APOC4: variants seen among roughly 807,000 people sequenced by gnomAD.
APOC4 encodes the protein apolipoprotein C4, also known as apolipoprotein C-IV.
APOC4 carries 10 observed loss-of-function variants against 8.4 expected under a neutral mutation model. The ratio of observed to expected loss-of-function variants is 1.19; its 90% CI spans 0.74 to 2.03. The LOEUF is 2.03. APOC4 is among the 30% of genes most tolerant of loss of function. The pLI is 0.00. For synonymous variants in APOC4, 59 were observed against 65.8 expected (o/e 0.90, Z 0.50); for missense variants, 160 against 156.1 (o/e 1.02, Z -0.13).
rs10423683 is a variant in APOC4 at position 44,944,783 on chromosome 19, C to T, written c.111C>T (p.Ser37=). 1.5e-3 allele frequency: 2,472 copies of T among 1,611,238 alleles called. 25 individuals carry two copies. The African/African-American group carries it at 0.029, about 19-fold the overall frequency. The change falls in exon 2 of 3, where the codon AGC becomes AGT. Residue 37 remains serine, a synonymous_variant. Coordinates refer to ENST00000592954, the MANE Select transcript of APOC4 (RefSeq NM_001646.3). ...CQPEAQEGTL[S]PPPKLKMSRW... Reference sequence around the variant, plus strand: ...CAGAGGCCCAGGAAGGAACCCTGAGCCCCCCACCAAAGCTAAAGATGAGTC... The same window carrying T: ...CAGAGGCCCAGGAAGGAACCCTGAGTCCCCCACCAAAGCTAAAGATGAGTC...
intron 1 of APOC4, among the ~76,000 whole-genome samples, chr19:44,943,692 A>C (rs1235622433): frequency 6.6e-6 from 1 of 151,998 alleles, no homozygotes; most frequent in Non-Finnish European, 1.5e-5. Flanking sequence ...GCGCCACTGC[A>C]TTCCAACCTG....
Position 44,944,615 on chromosome 19 carries a change from A to AAGGCAGGAGGCAAGAGGAC in APOC4, c.77-133_77-115dup, listed in dbSNP as rs938312554. 1.4e-5 allele frequency: 15 copies of AAGGCAGGAGGCAAGAGGAC among 1,081,476 alleles called. No individual in the cohort carries two copies. The African/African-American group carries it at 2.3e-4, about 16-fold the overall frequency. 67.0% of individuals were successfully genotyped at this position (1,081,476 alleles called of 1,614,324 possible). On this transcript the variant is annotated intron_variant, in intron 1 of 2. Coordinates refer to ENST00000592954, the MANE Select transcript of APOC4 (RefSeq NM_001646.3). ...AGCGGTCAGGGGACACATAAGGGTA[A>AAGGCAGGAGGCAAGAGGAC]AGGCAGGAGGCAAGAGGACTGGCAG...
chr19:44,944,678 A>T, intron 1 of APOC4, 71 bp from the exon 2 acceptor site: 2 of 1,517,460 alleles, frequency 1.3e-6, no homozygotes, highest in Non-Finnish European at 1.8e-6. Flanking sequence ...ACACAGGATG[A>T]GCATGGAGGG....
At position 44,943,748 on chromosome 19, in the gene APOC4, C is replaced by T. The variant is rs115225947; in HGVS notation, c.77-1001C>T. On this transcript the variant is annotated intron_variant, in intron 1 of 2. Coordinates refer to ENST00000592954, the MANE Select transcript of APOC4 (RefSeq NM_001646.3). ...TCTGAAAAAAAAAAAAAATTTAACA[C>T]GTATGTAGACAATGTGCAAGGCACC... Among the ~76,000 whole-genome samples the T allele has an allele frequency of 3.4e-3, 513 of 152,002 alleles. 6 individuals carry two copies. The highest frequency in any genetic ancestry group is 0.011 in the African/African-American group (465 of 41,492).
Position 44,942,309 on chromosome 19 carries a change from T to C in APOC4, c.32T>C (p.Leu11Pro). MSLLRNRLQA[L>P]PALCLCVLVL... The stretch of plus-strand genomic sequence containing the variant: ...CTCCTCAGAAACAGGCTCCAGGCCC[T>C]GCCTGCCCTGTGCCTCTGCGTGCTG... The change falls in exon 1 of 3, where the codon CTG (leucine) becomes CCG (proline). Residue 11 changes from leucine (L) to proline (P), a missense_variant. Leu to Pro is a moderately conservative substitution (Grantham distance 98). Coordinates refer to ENST00000592954, the MANE Select transcript of APOC4 (RefSeq NM_001646.3). The C allele has an allele frequency of 6.2e-7, 1 of 1,613,506 alleles. No homozygotes were observed. Among genetic ancestry groups the C allele is most frequent in the African/African-American group, 1.3e-5 (1 of 75,044 alleles).
At chr19:44,943,046 C>G (rs1021486649) in intron 1 of APOC4, among the ~76,000 whole-genome samples, 4 of 151,944 alleles carry the variant, frequency 2.6e-5, no homozygotes, top group African/African-American at 9.7e-5. Context: ...CTCAGCCTCC[C>G]GAGTAGCTGG....
At chr19:44,942,472 C>A (rs953992456) in intron 1 of APOC4, 119 bp downstream of exon 1, 9 of 873,630 alleles carry the variant, frequency 1.0e-5, no homozygotes, top group South Asian at 4.2e-5. Flanking sequence ...CGTTTCATGG[C>A]GTGCGTATGC....
chr19:44,945,391 C>T lies in APOC4; in HGVS notation c.*86C>T, dbSNP rs1307289254. On this transcript the variant is annotated 3_prime_UTR_variant, in exon 3 of 3. Coordinates refer to ENST00000592954, the MANE Select transcript of APOC4 (RefSeq NM_001646.3). ...GCTGAGGTAGGATGATGGCTTGAGC[C>T]CAGGAGTTCGAGACCAGCCTGGGCA... is the stretch of plus-strand genomic sequence containing the variant. The T allele has an allele frequency of 5.6e-6, 8 of 1,439,448 alleles. No homozygotes were observed. In the Admixed American group the frequency reaches 1.5e-4, roughly 26 times the overall value. The allele number at this position is 1,439,448 out of a possible 1,614,324, so 89.2% of individuals were successfully genotyped here. A position where few individuals can be genotyped will look rare whatever the true frequency, so the allele number is the denominator to read the frequency against.
At position 44,945,372 on chromosome 19, in the gene APOC4, G is replaced by T. The variant is rs1032746196; in HGVS notation, c.*67G>T. The T allele has an allele frequency of 1.3e-6, 2 of 1,524,856 alleles. No individual in the cohort carries two copies. Among genetic ancestry groups the T allele is most frequent in the African/African-American group, 2.7e-5 (2 of 72,792 alleles). 94.5% of individuals were successfully genotyped at this position (1,524,856 alleles called of 1,614,324 possible). ...AGTCCCAGCTACTCAGGAGGCTGAG[G>T]TAGGATGATGGCTTGAGCCCAGGAG... is the stretch of plus-strand genomic sequence containing the variant. On this transcript the variant is annotated 3_prime_UTR_variant, in exon 3 of 3. Coordinates refer to ENST00000592954, the MANE Select transcript of APOC4 (RefSeq NM_001646.3).
chr19:44,942,752 ATTT>A (rs200103557), intron 1 of APOC4, among the ~76,000 whole-genome samples: 78 of 134,266 alleles, frequency 5.8e-4, no homozygotes, highest in African/African-American at 1.6e-3. Context: ...TTGCATATGC[ATTT>A]TTTTTTTTTT....
chr19:44,942,467 C>T, intron 1 of APOC4, 114 bp downstream of exon 1: 1 of 986,892 alleles, frequency 1.0e-6, no homozygotes, highest in Non-Finnish European at 1.5e-6. Context: ...GTGTGCGTTT[C>T]ATGGCGTGCG....
chr19:44,942,803 G>A (rs1254258941), intron 1 of APOC4, among the ~76,000 whole-genome samples: 5 of 151,252 alleles, frequency 3.3e-5, no homozygotes, highest in Admixed American at 2.0e-4. Context: ...CCAGGCTGGA[G>A]TGCAGTGGTA....
At position 44,944,870 on chromosome 19, in the gene APOC4, A is replaced by G. The variant is rs2122202242; in HGVS notation, c.198A>G (p.Arg66=). The part of the protein sequence containing the change: ...ELLETVVNRT[R]DGWQWFWSPS... Reference sequence around the variant, plus strand: ...TGGAGACAGTGGTGAACAGGACCAGAGACGGGTGGCAATGGTTCTGGTGAG... The same window carrying G: ...TGGAGACAGTGGTGAACAGGACCAGGGACGGGTGGCAATGGTTCTGGTGAG... The change falls in exon 2 of 3, where the codon AGA becomes AGG. Residue 66 remains arginine, a synonymous_variant. Coordinates refer to ENST00000592954, the MANE Select transcript of APOC4 (RefSeq NM_001646.3). The G allele has an allele frequency of 1.9e-6, 3 of 1,607,142 alleles. No homozygotes were observed. The highest frequency in any genetic ancestry group is 2.7e-5 in the African/African-American group (2 of 74,980).
intron 1 of APOC4, among the ~76,000 whole-genome samples, chr19:44,944,318 G>A (rs980876900): frequency 5.2e-4 from 79 of 152,094 alleles, no homozygotes; most frequent in African/African-American, 1.9e-3. Context: ...TGGATCACTT[G>A]AGGTCAGGAG....
chr19:44,945,011 A>C (rs1970301369), intron 2 of APOC4, 121 bp downstream of exon 2: 1 of 1,518,822 alleles, frequency 6.6e-7, no homozygotes, highest in South Asian at 1.3e-5. Context: ...TGTGACCCCT[A>C]GGTCTGGGAG....
chr19:44,944,534 T>TA (rs913816175), intron 1 of APOC4, among the ~76,000 whole-genome samples: 36 of 132,924 alleles, frequency 2.7e-4, no homozygotes, highest in African/African-American at 7.3e-4. Flanking sequence ...CTCTGTCTCA[T>TA]AAAAAAAAAG....
rs145341903 is a variant in APOC4 at position 44,944,846 on chromosome 19, G to T, written c.174G>T (p.Leu58=). Residue 58 remains leucine, a synonymous_variant, in exon 2 of 3, where the codon CTG becomes CTT. Coordinates refer to ENST00000592954, the MANE Select transcript of APOC4 (RefSeq NM_001646.3). ...TGAGGGGCAGGATGAAGGAGCTGCTGGAGACAGTGGTGAACAGGACCAGAG... is the reference window on the plus strand; with the variant it reads ...TGAGGGGCAGGATGAAGGAGCTGCTTGAGACAGTGGTGAACAGGACCAGAG... ...SLVRGRMKEL[L]ETVVNRTRDG... The T allele has an allele frequency of 9.9e-6, 16 of 1,608,204 alleles. No individual in the cohort carries two copies. Among genetic ancestry groups the T allele is most frequent in the African/African-American group, 1.3e-5 (1 of 74,908 alleles).
Position 44,945,184 on chromosome 19 carries a change from A to T in APOC4, c.263A>T (p.Asp88Val). ...GGCTTCATGCAGACCTACTATGACG[A>T]CCACCTGAGGGACCTGGGTCCGCTC... ...FRGFMQTYYD[D>V]HLRDLGPLTK... Residue 88 changes from aspartate to valine, a missense_variant, in exon 3 of 3, where the codon GAC becomes GTC. Physicochemically the swap from Asp to Val is radical, Grantham distance 152. Coordinates refer to ENST00000592954, the MANE Select transcript of APOC4 (RefSeq NM_001646.3). 6.2e-7 allele frequency: 1 copy of T among 1,614,046 alleles called. No individual in the cohort carries two copies. Among genetic ancestry groups the T allele is most frequent in the Non-Finnish European group, 8.5e-7 (1 of 1,180,002 alleles).
chr19:44,944,780 G>A lies in APOC4; in HGVS notation c.108G>A (p.Leu36=), dbSNP rs369933487. ...ACQPEAQEGT[L]SPPPKLKMSR... ...AGCCAGAGGCCCAGGAAGGAACCCT[G>A]AGCCCCCCACCAAAGCTAAAGATGA... Residue 36 remains leucine, a synonymous_variant, in exon 2 of 3, where the codon CTG becomes CTA. Transcript: ENST00000592954. 3.7e-6 allele frequency: 6 copies of A among 1,611,560 alleles called. No homozygotes were observed. In the African/African-American group the frequency reaches 6.7e-5, roughly 18 times the overall value.
Sources: gnomAD v4.1 joint callset for allele counts (sites outside exome capture counted in the v4.1 genomes callset) on GRCh38, gnomAD v4.1.1 for gene constraint, MANE v1.5 for transcripts, NCBI Gene and HGNC (gene_info 2026-07-23, HGNC 2026-07-21) for gene names.